Variants in ERC2 observed in about 807,000 individuals in gnomAD.
ERC2 encodes the protein ERC protein 2.
A neutral mutation model predicts 114.8 loss-of-function variants in ERC2; 42 were observed. The ratio of observed to expected loss-of-function variants is 0.37; its 90% CI spans 0.29 to 0.47. ERC2 has a LOEUF of 0.47. Among genes scored for constraint, ERC2 ranks in the 20% least tolerant of loss-of-function variants. The probability of loss-of-function intolerance (pLI) is 0.99; values close to 1 mark genes in which losing one functional copy is unlikely to be tolerated. For missense variants in ERC2, 939 were observed against 1,150.7 expected (o/e 0.82, Z 2.66); for synonymous variants, 454 against 425.5 (o/e 1.07, Z -0.82).
At chr3:55,870,368 C>T (rs2062525760) in intron 14 of ERC2, among the ~76,000 whole-genome samples, 1 of 152,218 alleles carries the variant, frequency 6.6e-6, no homozygotes, top group African/African-American at 2.4e-5. Flanking sequence ...AGCCACCATA[C>T]CCGGCAGGGT....
chr3:56,259,711 C>T (rs1005998941), intron 3 of ERC2, among the ~76,000 whole-genome samples: 1 of 151,682 alleles, frequency 6.6e-6, no homozygotes, highest in African/African-American at 2.4e-5. Context: ...TGAAAACAAT[C>T]AAACAGAGCC....
At chr3:56,302,580 T>C (rs1277448334) in intron 2 of ERC2, among the ~76,000 whole-genome samples, 1 of 152,160 alleles carries the variant, frequency 6.6e-6, no homozygotes, top group Non-Finnish European at 1.5e-5. Flanking sequence ...TACGAAAAAC[T>C]GCAGTTTTCA....
In ERC2 at chr3:56,296,064, T is replaced by C. The variant is rs1301733540; in HGVS notation, c.1029A>G (p.Glu343=). Residue 343 remains glutamate, a synonymous_variant, in exon 3 of 18, where the codon GAA becomes GAG. Coordinates refer to ENST00000288221, the MANE Select transcript of ERC2 (RefSeq NM_015576.3). ...CCTTCTCTTTCTGATCTAAAATCAC[T>C]TCCAAGTGGCTGACCTGAGACTCAG... The part of the protein sequence containing the change: ...AEAESQVSHL[E]VILDQKEKEN... 6.2e-7 allele frequency: 1 copy of C among 1,608,956 alleles called. No homozygotes were observed. Among genetic ancestry groups the C allele is most frequent in the South Asian group, 1.1e-5 (1 of 90,630 alleles).
At chr3:55,935,890 C>T (rs1319631179) in intron 13 of ERC2, among the ~76,000 whole-genome samples, 6 of 152,210 alleles carry the variant, frequency 3.9e-5, no homozygotes, top group Non-Finnish European at 7.3e-5. Flanking sequence ...CAATAATGCA[C>T]ATCTTCAAAT....
intron 3 of ERC2, among the ~76,000 whole-genome samples, chr3:56,267,509 C>T (rs1314766057): frequency 6.6e-6 from 1 of 151,950 alleles, no homozygotes; most frequent in South Asian, 2.1e-4. Flanking sequence ...CAGTGGCTCA[C>T]GCCTGTAATC....
chr3:56,435,068 G>T lies in ERC2; in HGVS notation c.-61C>A. 2 of 1,329,406 alleles carry T rather than the reference G, an allele frequency of 1.5e-6. No homozygotes were observed. The highest frequency in any genetic ancestry group is 1.5e-5 in the African/African-American group (1 of 68,392). The allele number at this position is 1,329,406 out of a possible 1,614,324, so 82.4% of individuals were successfully genotyped here. On this transcript the variant is annotated 5_prime_UTR_variant, in exon 2 of 18. Coordinates refer to ENST00000288221, the MANE Select transcript of ERC2 (RefSeq NM_015576.3). ...AATGCTATATTAAGTTGGGGTTTGA[G>T]CTAATATTTCCACGATTGTCCAGAA...
chr3:55,991,971 A>T (rs1036192549), intron 11 of ERC2, 86 bp downstream of exon 11: 18 of 1,165,916 alleles, frequency 1.5e-5, no homozygotes, highest in Non-Finnish European at 2.0e-5. Context: ...ATGAATGTAC[A>T]GTCCAAATCC....
intron 14 of ERC2, among the ~76,000 whole-genome samples, chr3:55,828,878 C>T (rs898390958): frequency 3.9e-5 from 6 of 152,168 alleles, no homozygotes; most frequent in Non-Finnish European, 8.8e-5. Flanking sequence ...GTGGCTCATG[C>T]CTATAATCCC....
chr3:56,027,391 A>T (rs977319796), intron 7 of ERC2, among the ~76,000 whole-genome samples: 1 of 152,188 alleles, frequency 6.6e-6, no homozygotes, highest in Non-Finnish European at 1.5e-5. Flanking sequence ...ATAAGATACT[A>T]CTGCACTGTT....
At chr3:55,929,629 T>C (rs2065954183) in intron 13 of ERC2, among the ~76,000 whole-genome samples, 1 of 152,188 alleles carries the variant, frequency 6.6e-6, no homozygotes, top group African/African-American at 2.4e-5. Flanking sequence ...TAATTTGTAT[T>C]TGTGTCCCCA....
intron 12 of ERC2, among the ~76,000 whole-genome samples, chr3:55,973,496 T>A (rs1481292127): frequency 6.6e-6 from 1 of 152,204 alleles, no homozygotes; most frequent in Non-Finnish European, 1.5e-5. Flanking sequence ...ATAAGTTTTT[T>A]AAAATTGTTT....
At chr3:56,422,688 G>T (rs1033180429) in intron 2 of ERC2, among the ~76,000 whole-genome samples, 14 of 152,276 alleles carry the variant, frequency 9.2e-5, no homozygotes, top group African/African-American at 3.4e-4. Flanking sequence ...AAGCAAGTTT[G>T]ATGTTTTTCC....
At position 56,022,652 on chromosome 3, in the gene ERC2, G is replaced by A. The variant is rs550618291; in HGVS notation, c.1642-3621C>T. Among the ~76,000 whole-genome samples, 11 of 152,288 alleles carry A rather than the reference G, an allele frequency of 7.2e-5. No individual in the cohort carries two copies. The South Asian group carries it at 1.0e-3, about 14-fold the overall frequency. Reference sequence around the variant, plus strand: ...CTTTTTCTTCAAAGGGTGAGGTTGTGCAAGGCTCAAATAGCAGGAATTGGA... The same window carrying A: ...CTTTTTCTTCAAAGGGTGAGGTTGTACAAGGCTCAAATAGCAGGAATTGGA... On this transcript the variant is annotated intron_variant, in intron 7 of 17. Coordinates refer to ENST00000288221, the MANE Select transcript of ERC2 (RefSeq NM_015576.3).
chr3:56,208,494 T>A (rs1044198277), intron 3 of ERC2, among the ~76,000 whole-genome samples: 10 of 152,376 alleles, frequency 6.6e-5, no homozygotes, highest in African/African-American at 2.4e-4. Context: ...TTTAAAGCAC[T>A]GCTTTGCCCT....
At chr3:55,787,896 G>A (rs550459427) in intron 14 of ERC2, among the ~76,000 whole-genome samples, 4 of 152,318 alleles carry the variant, frequency 2.6e-5, no homozygotes, top group African/African-American at 9.6e-5. Flanking sequence ...CTAATAAGAA[G>A]AAATCCATGT....
At chr3:56,058,235 G>A (rs916541531) in intron 7 of ERC2, among the ~76,000 whole-genome samples, 11 of 152,276 alleles carry the variant, frequency 7.2e-5, no homozygotes, top group African/African-American at 2.6e-4. Flanking sequence ...ACCCTGACAA[G>A]GTAGATGTAC....
At chr3:55,652,998 A>G (rs2060703376) in intron 17 of ERC2, among the ~76,000 whole-genome samples, 1 of 151,972 alleles carries the variant, frequency 6.6e-6, no homozygotes, top group Non-Finnish European at 1.5e-5. Flanking sequence ...CATGGCTTAG[A>G]TTATTCTTAA....
rs1037331579 is a variant in ERC2 at position 55,799,211 on chromosome 3, T to G, written c.2565-64293A>C. ...ACTGCAAAGGCCAATGCTGAGTTCC[T>G]GTGTGGACTAACTGGCTACCTAGTG... On this transcript the variant is annotated intron_variant, in intron 14 of 17. Transcript: ENST00000288221. Among the ~76,000 whole-genome samples the G allele has an allele frequency of 2.6e-5, 4 of 152,016 alleles. No homozygotes were observed. The East Asian group carries it at 7.7e-4, about 29-fold the overall frequency.
intron 15 of ERC2, among the ~76,000 whole-genome samples, chr3:55,717,582 GTGGTTTCTGTT>G (rs1204037712): frequency 6.6e-6 from 1 of 152,166 alleles, no homozygotes; most frequent in African/African-American, 2.4e-5. Context: ...GAATAAGTAT[GTGGTTTCTGTT>G]TGGTTTGTTC....
Sources: allele counts gnomAD v4.1 joint callset (sites outside exome capture counted in the v4.1 genomes callset), GRCh38; gene constraint gnomAD v4.1.1; transcripts MANE v1.5; gene names NCBI Gene and HGNC (gene_info 2026-07-23, HGNC 2026-07-21).